Variants in ZFPM1 observed in about 807,000 individuals in gnomAD.
ZFPM1 encodes the protein zinc finger protein ZFPM1.
Under a neutral mutation model 46.3 loss-of-function variants are expected in ZFPM1, and 28 were observed. The ratio of observed to expected loss-of-function variants is 0.60; its 90% CI spans 0.45 to 0.83. The LOEUF (loss-of-function observed/expected upper bound fraction) is 0.83. ZFPM1 is among the 40% of genes least tolerant of loss of function. The pLI is 0.00. For missense variants in ZFPM1, 1,878 were observed against 1,432.4 expected (o/e 1.31, Z -5.02); for synonymous variants, 957 against 675.9 (o/e 1.42, Z -6.45).
At chr16:88,477,134 C>T (rs1246987001) in intron 1 of ZFPM1, among the ~76,000 whole-genome samples, 1 of 152,220 alleles carries the variant, frequency 6.6e-6, no homozygotes, top group African/African-American at 2.4e-5. Context: ...GGAACATGGA[C>T]ATAGAGGGAA....
chr16:88,533,022 G>T, intron 9 of ZFPM1, 87 bp downstream of exon 9: 1 of 1,561,976 alleles, frequency 6.4e-7, no homozygotes, highest in Non-Finnish European at 8.6e-7. Flanking sequence ...GACAGGTGGG[G>T]GTCCGTTTCA....
chr16:88,507,750 G>A (rs1481762622), intron 3 of ZFPM1, among the ~76,000 whole-genome samples: 1 of 152,186 alleles, frequency 6.6e-6, no homozygotes, highest in African/African-American at 2.4e-5. Context: ...AGAGCCAGCT[G>A]CCCAGTGTAC....
At chr16:88,492,837 T>C (rs34416903) in intron 3 of ZFPM1, among the ~76,000 whole-genome samples, 52,348 of 152,010 alleles carry the variant, frequency 0.34, 9,490 homozygotes, top group East Asian at 0.47. Context: ...CCCCTCTCCT[T>C]CTCCCAAGGG....
rs1429414143 is a variant in ZFPM1, at chr16:88,471,656, G to A, written c.41-14283G>A. On this transcript the variant is annotated intron_variant, in intron 1 of 9. Transcript: ENST00000319555. The surrounding 1 kb of genome is among the most constrained non-coding windows in gnomAD (Gnocchi z 4.1). ...GTGGGGTCAGGGCCCCAAGATGACCGTGGCCGCGGTGGCTCCCACACACAG... is the reference window on the plus strand; with the variant it reads ...GTGGGGTCAGGGCCCCAAGATGACCATGGCCGCGGTGGCTCCCACACACAG... Among the ~76,000 whole-genome samples the A allele has an allele frequency of 5.3e-5, 8 of 151,898 alleles. No individual in the cohort carries two copies. Among genetic ancestry groups the A allele is most frequent in the Non-Finnish European group, 8.8e-5 (6 of 67,962 alleles).
chr16:88,473,923 G>A (rs990939495), intron 1 of ZFPM1, among the ~76,000 whole-genome samples: 2 of 152,216 alleles, frequency 1.3e-5, no homozygotes, highest in African/African-American at 4.8e-5. Flanking sequence ...TCCGCAAGGG[G>A]TTTAGTAATC....
chr16:88,507,316 C>T (rs1249651537), intron 3 of ZFPM1, among the ~76,000 whole-genome samples: 3 of 152,186 alleles, frequency 2.0e-5, no homozygotes, highest in African/African-American at 4.8e-5. Flanking sequence ...ACCATGTCCC[C>T]GCCTCCAGAG....
At chr16:88,484,251 T>C (rs1239590318) in intron 1 of ZFPM1, among the ~76,000 whole-genome samples, 2 of 152,182 alleles carry the variant, frequency 1.3e-5, no homozygotes, top group African/African-American at 4.8e-5. Context: ...AGAGGGGCCA[T>C]GAGGCAAGAC....
At chr16:88,508,954 G>A (rs1465227139) in intron 3 of ZFPM1, among the ~76,000 whole-genome samples, 4 of 152,206 alleles carry the variant, frequency 2.6e-5, no homozygotes, top group East Asian at 1.9e-4. Context: ...ATCCGCACGC[G>A]GCGCGTCATC....
At position 88,514,320 on chromosome 16, in the gene ZFPM1, C is replaced by T. The variant is rs1911148290; in HGVS notation, c.269-67C>T. 2.6e-6 allele frequency: 4 copies of T among 1,540,186 alleles called. No individual in the cohort carries two copies. The East Asian group carries it at 9.7e-5, about 38-fold the overall frequency. ...CCCTCCACTGCCCCTTGGGCCAACC[C>T]TAGCGGGAGGTGGGCTGGACAGGCC... is the stretch of plus-strand genomic sequence containing the variant. On this transcript the variant is annotated intron_variant, in intron 3 of 9. Transcript: ENST00000319555.
intron 1 of ZFPM1, among the ~76,000 whole-genome samples, chr16:88,463,205 C>G (rs559736684): frequency 1.3e-5 from 2 of 152,346 alleles, no homozygotes; most frequent in African/African-American, 4.8e-5. Context: ...TGAGGAAAGA[C>G]CTGCTGGGTA....
At chr16:88,477,643 C>T (rs12447514) in intron 1 of ZFPM1, among the ~76,000 whole-genome samples, 59,565 of 152,044 alleles carry the variant, frequency 0.39, 11,987 homozygotes, top group East Asian at 0.55. Context: ...TACAGTGAAC[C>T]GTGATTGCAC....
In ZFPM1 at chr16:88,453,504, G is replaced by T; in HGVS notation, c.-135G>T. 1 of 285,836 alleles carries T rather than the reference G, an allele frequency of 3.5e-6. No individual in the cohort carries two copies. Among genetic ancestry groups the T allele is most frequent in the Non-Finnish European group, 5.2e-6 (1 of 193,946 alleles). The allele number at this position is 285,836 out of a possible 1,614,324, so 17.7% of individuals were successfully genotyped here. On this transcript the variant is annotated 5_prime_UTR_variant, in exon 1 of 10. Coordinates refer to ENST00000319555, the MANE Select transcript of ZFPM1 (RefSeq NM_153813.3). ...CCGGGGCTGGGCGCGCGGGCTGGGGGCGCGGGCCGGGGCGGCCGCGGAGAC... is the reference window on the plus strand; with the variant it reads ...CCGGGGCTGGGCGCGCGGGCTGGGGTCGCGGGCCGGGGCGGCCGCGGAGAC...
Position 88,480,878 on chromosome 16 carries a change from G to GC in ZFPM1, c.41-5055dup, listed in dbSNP as rs1292974619. Among the ~76,000 whole-genome samples the GC allele has an allele frequency of 1.3e-5, 2 of 152,326 alleles. No homozygotes were observed. Among genetic ancestry groups the GC allele is most frequent in the Admixed American group, 1.3e-4 (2 of 15,302 alleles). On this transcript the variant is annotated intron_variant, in intron 1 of 9. Coordinates refer to ENST00000319555, the MANE Select transcript of ZFPM1 (RefSeq NM_153813.3). The surrounding 1 kb of genome is among the most constrained non-coding windows in gnomAD (Gnocchi z 4.9). Reference sequence around the variant, plus strand: ...TTCCGCAAGACAGTCGTTCAAAGGAGCCCCCCAGCGCCTCGCCATCAAAGC... The same window carrying GC: ...TTCCGCAAGACAGTCGTTCAAAGGAGCCCCCCCAGCGCCTCGCCATCAAAGC...
chr16:88,532,036 G>C lies in ZFPM1; in HGVS notation c.747G>C (p.Trp249Cys), dbSNP rs1293916664. 2 of 1,611,472 alleles carry C rather than the reference G, an allele frequency of 1.2e-6. No homozygotes were observed. The highest frequency in any genetic ancestry group is 3.3e-5 in the Admixed American group (2 of 59,926). ...TCCCCTGCAAGGACTGTGGCATCTG[G>C]TACCGCAGCGAGCGCAACCTGCAGG... ...DVFPCKDCGI[W>C]YRSERNLQAH... is the part of the protein sequence containing the mutation. Residue 249 changes from tryptophan to cysteine, a missense_variant, in exon 7 of 10, where the codon TGG becomes TGC. Transcript: ENST00000319555.
intron 1 of ZFPM1, among the ~76,000 whole-genome samples, chr16:88,460,252 ATCG>A (rs1907756832): frequency 1.3e-5 from 2 of 152,128 alleles, no homozygotes; most frequent in East Asian, 3.9e-4. Context: ...CCCAGGGTTT[ATCG>A]AGGGTCCCCA....
chr16:88,532,762 C>A (rs1912896336), intron 8 of ZFPM1, 27 bp from the exon 9 acceptor site: 1 of 1,612,968 alleles, frequency 6.2e-7, no homozygotes, highest in Non-Finnish European at 8.5e-7. Flanking sequence ...CCGCCCTGGG[C>A]CTTGACCACC....
chr16:88,456,712 A>C (rs1907577707), intron 1 of ZFPM1, among the ~76,000 whole-genome samples: 1 of 152,222 alleles, frequency 6.6e-6, no homozygotes. Context: ...AGCCTGTGCC[A>C]GCAGGTGCGA....
rs549628445 is a variant in ZFPM1 at position 88,489,709 on chromosome 16, C to T, written c.268+556C>T. Among the ~76,000 whole-genome samples the T allele has an allele frequency of 7.9e-5, 12 of 152,320 alleles. No individual in the cohort carries two copies. In the South Asian group the frequency reaches 8.3e-4, roughly 11 times the overall value. On this transcript the variant is annotated intron_variant, in intron 3 of 9. Transcript: ENST00000319555. ...AGAGGGTGGTTTGGTGACTCTGCTC[C>T]GTGATTTGCAGCTGGAGTTCTGACC... is the stretch of plus-strand genomic sequence containing the variant.
rs375757040 is a variant in ZFPM1, at chr16:88,526,788, C to A, written c.403-26C>A. On this transcript the variant is annotated intron_variant, in intron 4 of 9. Coordinates refer to ENST00000319555, the MANE Select transcript of ZFPM1 (RefSeq NM_153813.3). ...GGCAGGCTGCTGACGGACCCCTCCCCACGTGTTCCTACCCTCCCCCCCCAG... is the reference window on the plus strand; with the variant it reads ...GGCAGGCTGCTGACGGACCCCTCCCAACGTGTTCCTACCCTCCCCCCCCAG... 11 of 1,515,052 alleles carry A rather than the reference C, an allele frequency of 7.3e-6. No individual in the cohort carries two copies. In the East Asian group the frequency reaches 2.5e-4, roughly 35 times the overall value. The allele number at this position is 1,515,052 out of a possible 1,614,324, so 93.9% of individuals were successfully genotyped here. A position where few individuals can be genotyped will look rare whatever the true frequency, so the allele number is the denominator to read the frequency against.
Sources: gnomAD v4.1 joint callset for allele counts (sites outside exome capture counted in the v4.1 genomes callset) on GRCh38, gnomAD v4.1.1 for gene constraint, Gnocchi (gnomAD v3.1) non-coding constraint, MANE v1.5 for transcripts, NCBI Gene and HGNC (gene_info 2026-07-23, HGNC 2026-07-21) for gene names.